Variants in DYSF observed in about 807,000 individuals in gnomAD.
The protein encoded by DYSF is dysferlin.
Under a neutral mutation model 274.9 loss-of-function variants are expected in DYSF, and 212 were observed. That is an observed-to-expected ratio of 0.77 (90% CI 0.69 to 0.86). DYSF has a LOEUF of 0.86. Among genes scored for constraint, DYSF ranks in the 40% least tolerant of loss-of-function variants. The pLI is 0.00. For synonymous variants in DYSF, 1,091 were observed against 1,078.7 expected, an observed-to-expected ratio of 1.01 and a Z score of -0.22; for missense variants, 2,666 against 2,783.2, an observed-to-expected ratio of 0.96 and a Z score of 0.95.
chr2:71,492,394 T>C (rs942208831), intron 3 of DYSF, among the ~76,000 whole-genome samples: 2 of 152,160 alleles, frequency 1.3e-5, no homozygotes, highest in Admixed American at 1.3e-4. Context: ...AGGACAGGGC[T>C]CTCTCACTTT....
intron 36 of DYSF, among the ~76,000 whole-genome samples, chr2:71,603,689 G>T (rs745356786): frequency 6.6e-6 from 1 of 152,118 alleles, no homozygotes; most frequent in Non-Finnish European, 1.5e-5. Flanking sequence ...CCTGACAGGC[G>T]GCCTCCTGCT....
chr2:71,596,266 CG>C (rs953674734), intron 32 of DYSF, among the ~76,000 whole-genome samples: 6 of 152,204 alleles, frequency 3.9e-5, no homozygotes, highest in Admixed American at 2.0e-4. Flanking sequence ...TCAGCCTGCT[CG>C]GGGGCCAGCG....
At chr2:71,531,244 C>T (rs12987224) in intron 14 of DYSF, among the ~76,000 whole-genome samples, 76,760 of 151,846 alleles carry the variant, frequency 0.51, 20,620 homozygotes, top group Non-Finnish European at 0.6. Context: ...ACCCTGTTAC[C>T]TCCCCTCTTC....
At chr2:71,489,978 C>G (rs2083687674) in intron 3 of DYSF, among the ~76,000 whole-genome samples, 1 of 152,232 alleles carries the variant, frequency 6.6e-6, no homozygotes, top group African/African-American at 2.4e-5. Context: ...GTGTCAAATG[C>G]CTGCTCAGTG....
At chr2:71,545,407 A>G (rs2090385683) in intron 17 of DYSF, among the ~76,000 whole-genome samples, 1 of 152,118 alleles carries the variant, frequency 6.6e-6, no homozygotes, top group South Asian at 2.1e-4. Flanking sequence ...ACCTTCCTGA[A>G]GGCACTGCGA....
At chr2:71,526,177 G>T in intron 12 of DYSF, 43 bp from the exon 13 acceptor site, 1 of 1,614,164 alleles carries the variant, frequency 6.2e-7, no homozygotes, top group Non-Finnish European at 8.5e-7. Flanking sequence ...AAAACCCTGT[G>T]CTCAGGAGCG....
chr2:71,618,178 T>G, intron 40 of DYSF, among the ~76,000 whole-genome samples: 16 of 48,902 alleles, frequency 3.3e-4, no homozygotes, highest in Admixed American at 5.4e-4. Context: ...GTGGTAGAGG[T>G]GGGGTATAAG....
At chr2:71,475,482 A>T (rs561823998) in intron 1 of DYSF, among the ~76,000 whole-genome samples, 2 of 152,314 alleles carry the variant, frequency 1.3e-5, no homozygotes, top group Admixed American at 1.3e-4. Context: ...TGGTCACAGC[A>T]TGGTTAGGGA....
chr2:71,593,377 C>T (rs566275184), intron 32 of DYSF, among the ~76,000 whole-genome samples: 3 of 152,238 alleles, frequency 2.0e-5, no homozygotes, highest in East Asian at 1.9e-4. Context: ...GCGATTCACC[C>T]GCCTTGGCCT....
At chr2:71,454,141 G>A (rs2080952520) in intron 1 of DYSF, 2 of 1,539,330 alleles carry the variant, frequency 1.3e-6, no homozygotes, top group East Asian at 2.3e-5. Flanking sequence ...AGGAGGGGAC[G>A]CCGCGGCTCT....
intron 1 of DYSF, among the ~76,000 whole-genome samples, chr2:71,470,721 TTTCCTTCCTTCCTTCTTTCCTTCCTTCC>T (rs1239017262): frequency 7.4e-6 from 1 of 135,832 alleles, no homozygotes; most frequent in African/African-American, 2.9e-5. Context: ...CTCTTCCTTC[TTTCCTTCCTTCCTTCTTTCCTTCCTTCC>T]TTCCTTCCTT....
At chr2:71,483,160 C>T (rs1009398153) in intron 3 of DYSF, among the ~76,000 whole-genome samples, 1 of 152,178 alleles carries the variant, frequency 6.6e-6, no homozygotes, top group Admixed American at 6.5e-5. Context: ...GGCACTTTCA[C>T]TGGGCCCCCA....
intron 19 of DYSF, 120 bp from the exon 20 acceptor site, chr2:71,552,891 C>A: frequency 2.0e-6 from 2 of 1,010,178 alleles, no homozygotes; most frequent in Non-Finnish European, 3.1e-6. Flanking sequence ...ACCCGTCAGT[C>A]CAGCCAGGAG....
At chr2:71,637,875 G>A (rs1210951834) in intron 41 of DYSF, among the ~76,000 whole-genome samples, 3 of 152,128 alleles carry the variant, frequency 2.0e-5, no homozygotes, top group African/African-American at 7.2e-5. Context: ...TTAGAAGAGG[G>A]TTTACCTGTG....
At chr2:71,481,778 T>C (rs1353590528) in intron 2 of DYSF, 101 bp from the exon 3 acceptor site, 8 of 866,014 alleles carry the variant, frequency 9.2e-6, no homozygotes, top group Non-Finnish European at 1.1e-5. Flanking sequence ...GAATCATTCA[T>C]GAATGCCTAC....
intron 1 of DYSF, among the ~76,000 whole-genome samples, chr2:71,456,089 T>G (rs1235529307): frequency 6.6e-6 from 1 of 152,158 alleles, no homozygotes; most frequent in Non-Finnish European, 1.5e-5. Context: ...TCCTCCCATT[T>G]ACACATCCCT....
At chr2:71,589,724 G>A (rs757480988) in intron 31 of DYSF, 38 bp downstream of exon 31, 8 of 1,529,622 alleles carry the variant, frequency 5.2e-6, no homozygotes, top group Admixed American at 1.7e-5. Context: ...GGTGATAAGG[G>A]TGTGTCACCT....
intron 45 of DYSF, among the ~76,000 whole-genome samples, chr2:71,661,918 G>C (rs1358159765): frequency 6.6e-6 from 1 of 152,182 alleles, no homozygotes; most frequent in Non-Finnish European, 1.5e-5. Flanking sequence ...AGGTGGGAGA[G>C]AGGAACTCTG....
intron 35 of DYSF, 113 bp downstream of exon 35, chr2:71,601,641 C>A: frequency 1.4e-6 from 2 of 1,432,072 alleles, no homozygotes; most frequent in South Asian, 1.2e-5. Context: ...TGCCTCAAGC[C>A]CCCGGGGAAG....
Sources: allele counts gnomAD v4.1 joint callset (sites outside exome capture counted in the v4.1 genomes callset), GRCh38; gene constraint gnomAD v4.1.1; transcripts MANE v1.5; gene names NCBI Gene and HGNC (gene_info 2026-07-23, HGNC 2026-07-21).